CNTNAP2: variants seen among roughly 807,000 people sequenced by gnomAD.
CNTNAP2 encodes the protein contactin-associated protein-like 2.
A neutral mutation model predicts 155.2 loss-of-function variants in CNTNAP2; 98 were observed. The ratio of observed to expected loss-of-function variants is 0.63; its 90% CI spans 0.54 to 0.75. The LOEUF (loss-of-function observed/expected upper bound fraction) is 0.75. CNTNAP2 is among the 30% of genes least tolerant of loss of function. CNTNAP2 has a pLI of 0.00. For missense variants in CNTNAP2, 1,727 were observed against 1,688.1 expected (o/e 1.02, Z -0.40); for synonymous variants, 651 against 631.2 (o/e 1.03, Z -0.47).
At chr7:147,816,120 T>C (rs955261393) in intron 13 of CNTNAP2, among the ~76,000 whole-genome samples, 9 of 152,198 alleles carry the variant, frequency 5.9e-5, no homozygotes, top group Non-Finnish European at 1.3e-4. Flanking sequence ...AGTCGTTTTT[T>C]ATATTACTTT....
chr7:147,962,206 C>T (rs1279717037), intron 14 of CNTNAP2, among the ~76,000 whole-genome samples: 5 of 152,190 alleles, frequency 3.3e-5, no homozygotes, highest in Middle Eastern at 3.2e-3. Context: ...GAAGCAAATT[C>T]TATATGAAAA....
intron 1 of CNTNAP2, among the ~76,000 whole-genome samples, chr7:146,323,352 C>T (rs1039007973): frequency 2.0e-5 from 3 of 151,924 alleles, no homozygotes; most frequent in Non-Finnish European, 4.4e-5. Context: ...TCTTTGATCT[C>T]TCTCTCGGTG....
At chr7:147,318,111 T>C (rs1795269477) in intron 9 of CNTNAP2, among the ~76,000 whole-genome samples, 1 of 152,106 alleles carries the variant, frequency 6.6e-6, no homozygotes, top group South Asian at 2.1e-4. Flanking sequence ...TACTAAAAAA[T>C]AATAAGTGAA....
At chr7:147,399,965 A>T (rs1322868284) in intron 10 of CNTNAP2, among the ~76,000 whole-genome samples, 4 of 152,194 alleles carry the variant, frequency 2.6e-5, no homozygotes, top group Non-Finnish European at 5.9e-5. Context: ...TCTCTGAGAA[A>T]GGTAAAATAC....
intron 14 of CNTNAP2, among the ~76,000 whole-genome samples, chr7:147,964,566 T>C (rs542292129): frequency 2.0e-5 from 3 of 152,340 alleles, no homozygotes; most frequent in African/African-American, 7.2e-5. Flanking sequence ...AGATGCTTTA[T>C]TTATTCTGAA....
At chr7:148,372,440 G>T (rs138699773) in intron 21 of CNTNAP2, among the ~76,000 whole-genome samples, 168 of 152,208 alleles carry the variant, frequency 1.1e-3, no homozygotes, top group African/African-American at 3.8e-3. Flanking sequence ...GGGTGCAGTG[G>T]TTCATGTCTG....
chr7:146,441,057 C>T (rs529676417), intron 1 of CNTNAP2, among the ~76,000 whole-genome samples: 4 of 151,554 alleles, frequency 2.6e-5, no homozygotes, highest in South Asian at 2.1e-4. Context: ...GAATTGTAGG[C>T]GTATTTCACT....
intron 1 of CNTNAP2, among the ~76,000 whole-genome samples, chr7:146,574,291 T>G (rs186119366): frequency 3.6e-4 from 55 of 152,350 alleles, no homozygotes; most frequent in African/African-American, 1.3e-3. Context: ...TTTATTACCA[T>G]ACACACACGT....
chr7:146,318,441 C>T (rs544769557), intron 1 of CNTNAP2, among the ~76,000 whole-genome samples: 3 of 152,016 alleles, frequency 2.0e-5, no homozygotes, highest in African/African-American at 4.8e-5. Flanking sequence ...ACAAAATATA[C>T]GTCACTTAAA....
intron 8 of CNTNAP2, among the ~76,000 whole-genome samples, chr7:147,198,688 G>A (rs1398257732): frequency 6.6e-6 from 1 of 152,036 alleles, no homozygotes; most frequent in African/African-American, 2.4e-5. Context: ...TCCTAATCCT[G>A]TACATTTTAT....
At chr7:148,089,173 A>G (rs1042056653) in intron 15 of CNTNAP2, among the ~76,000 whole-genome samples, 1 of 151,968 alleles carries the variant, frequency 6.6e-6, no homozygotes, top group African/African-American at 2.4e-5. Flanking sequence ...TAAAGAGCAC[A>G]TACAACAAGC....
chr7:147,195,366 C>G (rs1034123945), intron 8 of CNTNAP2, among the ~76,000 whole-genome samples: 2 of 152,092 alleles, frequency 1.3e-5, no homozygotes, highest in Non-Finnish European at 2.9e-5. Context: ...ATGCCTCCAG[C>G]TTTGTTCTTT....
At chr7:146,735,874 C>G (rs1003873314) in intron 1 of CNTNAP2, among the ~76,000 whole-genome samples, 1 of 151,784 alleles carries the variant, frequency 6.6e-6, no homozygotes, top group Non-Finnish European at 1.5e-5. Flanking sequence ...ATAATTTAGT[C>G]TATATTTTCA....
intron 10 of CNTNAP2, among the ~76,000 whole-genome samples, chr7:147,426,457 A>C (rs557361283): frequency 6.6e-6 from 1 of 152,268 alleles, no homozygotes; most frequent in South Asian, 2.1e-4. Flanking sequence ...TTGAAGTTTC[A>C]AATCAGCTGG....
chr7:146,892,637 G>A (rs748255464), intron 3 of CNTNAP2, among the ~76,000 whole-genome samples: 14 of 152,208 alleles, frequency 9.2e-5, no homozygotes, highest in African/African-American at 2.2e-4. Context: ...TTAGCTGGGC[G>A]TGGTGGCACA....
chr7:148,268,525 G>T (rs1796715847), intron 21 of CNTNAP2, among the ~76,000 whole-genome samples: 1 of 151,944 alleles, frequency 6.6e-6, no homozygotes, highest in Non-Finnish European at 1.5e-5. Context: ...CGTGGTGGTG[G>T]GCGTCTGTAG....
chr7:147,752,408 C>T (rs16883687), intron 13 of CNTNAP2, among the ~76,000 whole-genome samples: 1,670 of 152,148 alleles, frequency 0.011, 93 homozygotes, highest in Admixed American at 0.087. Flanking sequence ...GACAGACGAA[C>T]GAGTTGAATA....
intron 8 of CNTNAP2, among the ~76,000 whole-genome samples, chr7:147,182,990 T>G (rs1802495032): frequency 6.6e-6 from 1 of 152,162 alleles, no homozygotes; most frequent in South Asian, 2.1e-4. Context: ...ATTTTTAAAG[T>G]CATCAATGAT....
intron 1 of CNTNAP2, among the ~76,000 whole-genome samples, chr7:146,754,018 A>C (rs1801949672): frequency 1.3e-5 from 2 of 152,146 alleles, no homozygotes; most frequent in Middle Eastern, 6.8e-3. Flanking sequence ...ATACATTCTT[A>C]GCAGGCAGAT....
Sources: gnomAD v4.1 joint callset for allele counts (sites outside exome capture counted in the v4.1 genomes callset) on GRCh38, gnomAD v4.1.1 for gene constraint, MANE v1.5 for transcripts, NCBI Gene and HGNC (gene_info 2026-07-23, HGNC 2026-07-21) for gene names.